The following RBFOX1 variants were observed in gnomAD, a reference collection of about 807,000 sequenced individuals.
The protein encoded by RBFOX1 is RNA binding fox-1 homolog 1, also known as RNA binding protein fox-1 homolog 1.
In RBFOX1, 8 loss-of-function variants were observed where a neutral mutation model predicts 57.7. The observed-to-expected ratio is 0.14, with a 90% CI of 0.08 to 0.25. The LOEUF (loss-of-function observed/expected upper bound fraction) is 0.25, where lower values mean the gene tolerates loss of function less well. Among genes scored for constraint, RBFOX1 ranks in the 10% least tolerant of loss-of-function variants. The pLI, the probability that RBFOX1 is intolerant of heterozygous loss-of-function variation, is 1.00. For missense variants in RBFOX1, 611 were observed against 548.5 expected (o/e 1.11, Z -1.14); for synonymous variants, 326 against 222.4 (o/e 1.47, Z -4.15).
intron 1 of RBFOX1, among the ~76,000 whole-genome samples, chr16:5,248,686 G>A (rs2062366358): frequency 6.6e-6 from 1 of 152,124 alleles, no homozygotes; most frequent in South Asian, 2.1e-4. Context: ...ACTGCAAAGA[G>A]ATGGCAGAGT....
intron 2 of RBFOX1, among the ~76,000 whole-genome samples, chr16:5,529,587 A>G (rs2044381819): frequency 6.9e-6 from 1 of 145,308 alleles, no homozygotes; most frequent in Non-Finnish European, 1.5e-5. Context: ...TTTTTTTGAG[A>G]TGGAGTTTTG....
At chr16:6,084,971 G>T (rs368751005) in intron 1 of RBFOX1, among the ~76,000 whole-genome samples, 1 of 152,206 alleles carries the variant, frequency 6.6e-6, no homozygotes, top group South Asian at 2.1e-4. Context: ...ATAGTGATCA[G>T]AGTTCATTTG....
At chr16:6,294,345 T>A (rs17139775) in intron 1 of RBFOX1, among the ~76,000 whole-genome samples, 3,637 of 152,290 alleles carry the variant, frequency 0.024, 156 homozygotes, top group African/African-American at 0.082. Context: ...ATGGTCCCAG[T>A]ATGGTTAGAT....
intron 4 of RBFOX1, among the ~76,000 whole-genome samples, chr16:5,951,313 T>C (rs915698342): frequency 6.6e-6 from 1 of 151,850 alleles, no homozygotes; most frequent in Non-Finnish European, 1.5e-5. Flanking sequence ...CCGGGTGTGG[T>C]GGTGTGTGCC....
rs558806841 is a variant in RBFOX1 at position 7,263,446 on chromosome 16, G to C, written c.27+211348G>C. Reference sequence around the variant, plus strand: ...TCCTTGGAGAGTTTTAACTAGTCTTGATGCCTGGATCCCAGAAGAGACCAA... The same window carrying C: ...TCCTTGGAGAGTTTTAACTAGTCTTCATGCCTGGATCCCAGAAGAGACCAA... On this transcript the variant is annotated intron_variant, in intron 4 of 15. Coordinates refer to ENST00000550418, the MANE Select transcript of RBFOX1 (RefSeq NM_018723.4). 7.4e-4 allele frequency among the ~76,000 whole-genome samples: 112 copies of C among 152,256 alleles called. 2 individuals are homozygous for C. Among genetic ancestry groups the C allele is most frequent in the South Asian group, 2.1e-3 (10 of 4,828 alleles).
chr16:6,185,219 A>G (rs568270521), intron 1 of RBFOX1, among the ~76,000 whole-genome samples: 26 of 152,190 alleles, frequency 1.7e-4, no homozygotes, highest in African/African-American at 5.8e-4. Flanking sequence ...CTGTGACTCT[A>G]TTTCCTCTCC....
At chr16:5,936,653 C>T (rs2059174503) in intron 4 of RBFOX1, among the ~76,000 whole-genome samples, 1 of 152,196 alleles carries the variant, frequency 6.6e-6, no homozygotes, top group African/African-American at 2.4e-5. Flanking sequence ...CAAGGATGTA[C>T]CTTTCAACTT....
At chr16:7,627,288 A>ATCAT (rs534570465) in intron 10 of RBFOX1, among the ~76,000 whole-genome samples, 1,808 of 152,248 alleles carry the variant, frequency 0.012, 20 homozygotes, top group Middle Eastern at 0.034. Context: ...TCAAATGGGA[A>ATCAT]TCATTGCCTA....
At position 6,244,582 on chromosome 16, in the gene RBFOX1, C is replaced by A. The variant is rs75792209; in HGVS notation, c.-126-72413C>A. On this transcript the variant is annotated intron_variant, in intron 1 of 15. Coordinates refer to ENST00000550418, the MANE Select transcript of RBFOX1 (RefSeq NM_018723.4). ...GCAGTGGTGCGATCTCAGCTCACTG[C>A]AATGTTCGCCTCTTGGGTCCCAGTT... Among the ~76,000 whole-genome samples the A allele has an allele frequency of 4.1e-3, 618 of 152,290 alleles. 5 individuals are homozygous for A. The highest frequency in any genetic ancestry group is 0.014 in the African/African-American group (587 of 41,572).
At chr16:6,134,831 C>T (rs527724611) in intron 1 of RBFOX1, among the ~76,000 whole-genome samples, 1 of 133,336 alleles carries the variant, frequency 7.5e-6, no homozygotes, top group Non-Finnish European at 1.6e-5. Flanking sequence ...TAGCATCTTA[C>T]CCCAGGCAGG....
intron 4 of RBFOX1, among the ~76,000 whole-genome samples, chr16:7,511,793 G>A (rs1462863699): frequency 6.6e-6 from 1 of 152,102 alleles, no homozygotes; most frequent in Non-Finnish European, 1.5e-5. Flanking sequence ...TGAGGACAAG[G>A]AAGTTTCTTC....
intron 2 of RBFOX1, among the ~76,000 whole-genome samples, chr16:6,415,172 G>C (rs959882677): frequency 3.4e-5 from 5 of 149,244 alleles, no homozygotes; most frequent in Non-Finnish European, 7.4e-5. Flanking sequence ...GAACCAGGGA[G>C]TCGGAGGTTG....
intron 5 of RBFOX1, among the ~76,000 whole-genome samples, chr16:7,534,563 C>T (rs1567707642): frequency 6.6e-6 from 1 of 152,144 alleles, no homozygotes; most frequent in Non-Finnish European, 1.5e-5. Flanking sequence ...AAGCCCGATT[C>T]GATCCACTGA....
chr16:7,557,619 CAAAAAAAAA>C (rs1170051114), intron 5 of RBFOX1, among the ~76,000 whole-genome samples: 1 of 40,762 alleles, frequency 2.5e-5, no homozygotes, highest in African/African-American at 9.1e-5. Context: ...GACTCTGTCT[CAAAAAAAAA>C]AAAAAAAAAA....
chr16:6,254,946 A>G (rs1457296548), intron 1 of RBFOX1, among the ~76,000 whole-genome samples: 1 of 150,768 alleles, frequency 6.6e-6, no homozygotes, highest in Non-Finnish European at 1.5e-5. Flanking sequence ...CTCTCCCTTT[A>G]TTTCCCAGAT....
intron 5 of RBFOX1, among the ~76,000 whole-genome samples, chr16:7,537,909 G>C (rs1203721910): frequency 6.6e-6 from 1 of 152,176 alleles, no homozygotes; most frequent in East Asian, 1.9e-4. Context: ...TTAAACAATG[G>C]AAATGAGAGA....
chr16:6,478,414 TA>T (rs1567368543), intron 2 of RBFOX1, among the ~76,000 whole-genome samples: 1,434 of 31,346 alleles, frequency 0.046, 91 homozygotes, highest in Non-Finnish European at 0.052. Flanking sequence ...TATATATATA[TA>T]TATATATATA....
At chr16:7,185,779 T>C (rs1051973894) in intron 4 of RBFOX1, among the ~76,000 whole-genome samples, 7 of 152,206 alleles carry the variant, frequency 4.6e-5, no homozygotes, top group African/African-American at 9.7e-5. Flanking sequence ...GTAAAGTCTT[T>C]ACACTGGCAT....
In RBFOX1 at chr16:6,467,720, A is replaced by G. The variant is rs112563804; in HGVS notation, c.-64+150663A>G. On this transcript the variant is annotated intron_variant, in intron 2 of 15. Coordinates refer to ENST00000550418, the MANE Select transcript of RBFOX1 (RefSeq NM_018723.4). ...GTGTGATATGCCACTGGACTCTTCC[A>G]TCTATGGCTCTGGAGCCCCTAAGGG... Among the ~76,000 whole-genome samples the G allele has an allele frequency of 3.1e-3, 472 of 152,340 alleles. 1 individual carries two copies. Among genetic ancestry groups the G allele is most frequent in the Non-Finnish European group, 4.3e-3 (292 of 68,030 alleles).
Sources: gnomAD v4.1 joint callset for allele counts (sites outside exome capture counted in the v4.1 genomes callset) on GRCh38, gnomAD v4.1.1 for gene constraint, MANE v1.5 for transcripts, NCBI Gene and HGNC (gene_info 2026-07-23, HGNC 2026-07-21) for gene names.